The following SMG5 variants were observed in gnomAD, a reference collection of about 807,000 sequenced individuals.
SMG5 encodes the protein nonsense-mediated mRNA decay factor SMG5.
A neutral mutation model predicts 122.9 loss-of-function variants in SMG5; 53 were observed. The observed-to-expected ratio is 0.43, with a 90% confidence interval of 0.35 to 0.54. The LOEUF (loss-of-function observed/expected upper bound fraction) is 0.54, where lower values mean the gene tolerates loss of function less well. Ranked by LOEUF, SMG5 falls within the 20% of genes least tolerant of loss-of-function variation. The probability of loss-of-function intolerance (pLI) is 0.01; values close to 1 mark genes in which losing one functional copy is unlikely to be tolerated. For missense variants in SMG5, 1,153 were observed against 1,285.6 expected, an observed-to-expected ratio of 0.90 and a Z score of 1.58; for synonymous variants, 477 against 490.2, an observed-to-expected ratio of 0.97 and a Z score of 0.35.
rs1662804043 is a variant in SMG5 at position 156,278,847 on chromosome 1, C to CA, written c.173+88dup. ...GGTACCATGAGGTCAGGAGGTAAAA[C>CA]AGAGTGCGTGTTTATATATCTGAGA... On this transcript the variant is annotated intron_variant, in intron 2 of 21. Transcript: ENST00000361813. 3 of 1,090,004 alleles carry CA rather than the reference C, an allele frequency of 2.8e-6. No individual in the cohort carries two copies. In the South Asian group the frequency reaches 3.9e-5, roughly 14 times the overall value. The allele number at this position is 1,090,004 out of a possible 1,614,324, so 67.5% of individuals were successfully genotyped here. A position where few individuals can be genotyped will look rare whatever the true frequency, so the allele number is the denominator to read the frequency against.
chr1:156,282,147 G>C (rs952645030), intron 1 of SMG5, among the ~76,000 whole-genome samples: 12 of 152,228 alleles, frequency 7.9e-5, no homozygotes, highest in African/African-American at 2.9e-4. Flanking sequence ...AGGAAACTGA[G>C]GCCCAAGGTC....
intron 7 of SMG5, among the ~76,000 whole-genome samples, chr1:156,270,038 TCAAA>T (rs771187217): frequency 8.8e-4 from 133 of 151,942 alleles, no homozygotes; most frequent in East Asian, 8.1e-3. Flanking sequence ...AGACTCTGTC[TCAAA>T]CAAACAAACA....
intron 6 of SMG5, 72 bp from the exon 7 acceptor site, chr1:156,272,470 T>C: frequency 7.8e-7 from 1 of 1,285,326 alleles, no homozygotes; most frequent in East Asian, 2.5e-5. Flanking sequence ...CAACCAATGC[T>C]AAGCATCAGA....
intron 13 of SMG5, 77 bp downstream of exon 13, chr1:156,263,318 C>A (rs1661945345): frequency 6.0e-6 from 9 of 1,494,564 alleles, no homozygotes; most frequent in Non-Finnish European, 3.6e-6. Flanking sequence ...CAGGGGGGAT[C>A]CTCAGGCCCC....
At chr1:156,273,509 C>G in intron 5 of SMG5, 59 bp from the exon 6 acceptor site, 1 of 1,508,394 alleles carries the variant, frequency 6.6e-7, no homozygotes. Flanking sequence ...AAAACCCTCC[C>G]CCACATCTGG....
At chr1:156,253,642 G>T in intron 16 of SMG5, 134 bp from the exon 17 acceptor site, 1 of 763,776 alleles carries the variant, frequency 1.3e-6, no homozygotes, top group Non-Finnish European at 2.3e-6. Flanking sequence ...GCTGCTGAAT[G>T]AGGGGAGGAG....
intron 1 of SMG5, 53 bp from the exon 2 acceptor site, chr1:156,279,087 G>T: frequency 1.4e-6 from 2 of 1,443,516 alleles, no homozygotes; most frequent in Non-Finnish European, 2.0e-6. Context: ...GGTCCACAGA[G>T]GATGACGCTG....
Position 156,282,792 on chromosome 1 carries a change from C to A in SMG5, c.-112G>T. ...AGCCGCCGCCGCCACCGGCCCTGCT[C>A]GGCCGCCATCGCTGTGAGGCGGCTG... On this transcript the variant is annotated 5_prime_UTR_variant, in exon 1 of 22. The change creates a premature stop within an existing upstream ORF in the 5' untranslated region. Coordinates refer to ENST00000361813, the MANE Select transcript of SMG5 (RefSeq NM_015327.3). The A allele has an allele frequency of 8.4e-7, 1 of 1,195,868 alleles. No homozygotes were observed. The highest frequency in any genetic ancestry group is 1.1e-6 in the Non-Finnish European group (1 of 880,204). The allele number at this position is 1,195,868 out of a possible 1,614,324, so 74.1% of individuals were successfully genotyped here.
At chr1:156,252,737 C>T (rs1661406887) in intron 18 of SMG5, among the ~76,000 whole-genome samples, 182 bp downstream of exon 18, 1 of 152,242 alleles carries the variant, frequency 6.6e-6, no homozygotes, top group South Asian at 2.1e-4. Context: ...TTTCTCCCAA[C>T]TGTCTTGTAA....
At chr1:156,263,073 T>C (rs2103222186) in intron 13 of SMG5, among the ~76,000 whole-genome samples, 1 of 152,342 alleles carries the variant, frequency 6.6e-6, no homozygotes, top group East Asian at 1.9e-4. Flanking sequence ...TTCTCTGGAT[T>C]CTTTGGTATT....
At chr1:156,288,340 CTT>C in the SMG5 span, among the ~76,000 whole-genome samples, 6 of 133,108 alleles carry the variant, frequency 4.5e-5, no homozygotes, top group Admixed American at 7.5e-5. Context: ...CTTTTTTTTT[CTT>C]TTTTTTTTTT....
At chr1:156,286,139 C>G, upstream of SMG5, 1 of 1,358,896 alleles carries the variant, frequency 7.4e-7, no homozygotes, top group Non-Finnish European at 1.0e-6. Context: ...CTCCCAGGAC[C>G]ACCTCCACCC....
At chr1:156,291,017 G>T in the SMG5 span, 2 of 232,432 alleles carry the variant, frequency 8.6e-6, no homozygotes, top group Admixed American at 5.0e-5. Context: ...GCCCGCATCT[G>T]TAATCCCAGC....
At position 156,277,109 on chromosome 1, in the gene SMG5, T is replaced by G; in HGVS notation, c.430A>C (p.Thr144Pro). 1.2e-6 allele frequency: 2 copies of G among 1,613,716 alleles called. No individual in the cohort carries two copies. Among genetic ancestry groups the G allele is most frequent in the South Asian group, 2.2e-5 (2 of 91,038 alleles). The change falls in exon 4 of 22, where the codon ACC (threonine) becomes CCC (proline). Residue 144 changes from threonine to proline, a missense_variant. Physicochemically the swap from Thr to Pro is conservative, Grantham distance 38. This residue lies in a region of SMG5 where 213 missense variants were observed against 197.5 expected (regional missense o/e 1.08). Coordinates refer to ENST00000361813, the MANE Select transcript of SMG5 (RefSeq NM_015327.3). ...CCTATGAGGGGGTCAGTGACATGGG[T>G]CCAGTCGATGCAGCACTGCAGTTCC... ...QLELQCCIDW[T>P]HVTDPLIGCK...
upstream of SMG5, chr1:156,284,185 G>C (rs1043948866): frequency 2.0e-5 from 3 of 152,232 alleles, no homozygotes; most frequent in African/African-American, 7.2e-5. Flanking sequence ...CTTTCAGAAA[G>C]GATGACATCC....
At chr1:156,259,211 A>T in intron 15 of SMG5, 48 bp from the exon 16 acceptor site, 1 of 1,500,318 alleles carries the variant, frequency 6.7e-7, no homozygotes, top group African/African-American at 1.4e-5. Context: ...GGCCCTCTAG[A>T]CCCACCCTGC....
chr1:156,264,156 T>C (rs896249868), intron 12 of SMG5, among the ~76,000 whole-genome samples: 1 of 149,232 alleles, frequency 6.7e-6, no homozygotes, highest in Non-Finnish European at 1.5e-5. Flanking sequence ...TAATCTCAGC[T>C]ACTCGGGAGG....
chr1:156,281,103 A>C (rs1005449797), intron 1 of SMG5, among the ~76,000 whole-genome samples: 1 of 152,222 alleles, frequency 6.6e-6, no homozygotes, highest in African/African-American at 2.4e-5. Context: ...CTTTCCTCCT[A>C]GTTCCTTCCA....
At chr1:156,269,788 T>C (rs939250437) in intron 7 of SMG5, among the ~76,000 whole-genome samples, 4 of 152,130 alleles carry the variant, frequency 2.6e-5, no homozygotes, top group Admixed American at 2.6e-4. Flanking sequence ...GGCAGAAGAA[T>C]GGCGTGAATC....
Sources: gnomAD v4.1 joint callset for allele counts (sites outside exome capture counted in the v4.1 genomes callset) on GRCh38, gnomAD v4.1.1 for gene constraint, gnomAD v4.1.1 regional missense constraint, MANE v1.5 for transcripts, NCBI Gene and HGNC (gene_info 2026-07-23, HGNC 2026-07-21) for gene names.